Variants in OPCML observed in about 807,000 individuals in gnomAD.
The protein encoded by OPCML is opioid-binding protein/cell adhesion molecule.
A neutral mutation model predicts 37.8 loss-of-function variants in OPCML; 13 were observed. The ratio of observed to expected loss-of-function variants is 0.34; its 90% CI spans 0.22 to 0.55. OPCML has a LOEUF of 0.55. OPCML is among the 20% of genes least tolerant of loss of function. The pLI, the probability that OPCML is intolerant of heterozygous loss-of-function variation, is 0.91. For synonymous variants in OPCML, 176 were observed against 168.8 expected (o/e 1.04, Z -0.33); for missense variants, 341 against 435.6 (o/e 0.78, Z 1.93).
At position 132,886,375 on chromosome 11, in the gene OPCML, T is replaced by A. The variant is rs150997967; in HGVS notation, c.146+56551A>T. ...GGGGCGGCTTGCCCCTGTTCTATGA[T>A]GCCTGGGGCCTCAGCTGGGAAGTCT... On this transcript the variant is annotated intron_variant, in intron 2 of 7. Coordinates refer to ENST00000524381, the MANE Select transcript of OPCML (RefSeq NM_001012393.5). Among the ~76,000 whole-genome samples, 116 of 152,324 alleles carry A rather than the reference T, an allele frequency of 7.6e-4. 1 individual carries two copies. The highest frequency in any genetic ancestry group is 1.3e-3 in the Non-Finnish European group (90 of 68,028).
intron 1 of OPCML, among the ~76,000 whole-genome samples, chr11:133,215,267 C>A (rs1939537544): frequency 6.6e-6 from 1 of 152,120 alleles, no homozygotes; most frequent in African/African-American, 2.4e-5. Context: ...CTTGCACAAA[C>A]ACCCATCTCT....
chr11:132,962,337 C>G (rs575414394), intron 1 of OPCML, among the ~76,000 whole-genome samples: 1 of 152,228 alleles, frequency 6.6e-6, no homozygotes, highest in Admixed American at 6.5e-5. Context: ...TCACCCTCCC[C>G]CATCATGATG....
At chr11:133,092,135 A>G (rs1478883246) in intron 1 of OPCML, among the ~76,000 whole-genome samples, 1 of 152,166 alleles carries the variant, frequency 6.6e-6, no homozygotes, top group African/African-American at 2.4e-5. Context: ...GTGAAGACAC[A>G]GCATCCATCC....
At chr11:132,626,365 G>C (rs1299101778) in intron 3 of OPCML, among the ~76,000 whole-genome samples, 2 of 151,964 alleles carry the variant, frequency 1.3e-5, no homozygotes, top group Non-Finnish European at 2.9e-5. Context: ...GGGGCATAGG[G>C]GGAAGATAAA....
intron 1 of OPCML, among the ~76,000 whole-genome samples, chr11:133,246,976 T>G (rs1035586032): frequency 2.2e-4 from 34 of 152,150 alleles, no homozygotes; most frequent in Non-Finnish European, 8.8e-5. Context: ...TTGCTAATTG[T>G]GCCAGTAGCC....
At chr11:132,641,214 G>C (rs994265649) in intron 3 of OPCML, among the ~76,000 whole-genome samples, 2 of 152,138 alleles carry the variant, frequency 1.3e-5, no homozygotes, top group African/African-American at 4.8e-5. Flanking sequence ...CTTTGTATTT[G>C]ACATGCCACC....
chr11:132,683,388 G>A (rs141938404), intron 2 of OPCML, among the ~76,000 whole-genome samples: 163 of 152,194 alleles, frequency 1.1e-3, no homozygotes, highest in African/African-American at 3.7e-3. Context: ...AAATAAAAAA[G>A]CAAAAGTTGA....
chr11:133,525,073 A>G (rs1322535941), intron 1 of OPCML, among the ~76,000 whole-genome samples: 2 of 152,248 alleles, frequency 1.3e-5, no homozygotes, highest in African/African-American at 4.8e-5. Context: ...TGTATAAACA[A>G]TGGTCTAGGG....
rs1381681056 is a variant in OPCML at position 132,415,383 on chromosome 11, C to T, written c.*4810G>A. ...ACTTGACAGACACATTTTCGTTCAC[C>T]CACACAGTCCTCACAACTGCACTTG... On this transcript the variant is annotated 3_prime_UTR_variant, in exon 8 of 8. Coordinates refer to ENST00000524381, the MANE Select transcript of OPCML (RefSeq NM_001012393.5). The T allele has an allele frequency of 6.6e-6, 1 of 152,074 alleles. No individual in the cohort carries two copies. The highest frequency in any genetic ancestry group is 6.5e-5 in the Admixed American group (1 of 15,276). 9.4% of individuals were successfully genotyped at this position (152,074 alleles called of 1,614,324 possible). A position where few individuals can be genotyped will look rare whatever the true frequency, so the allele number is the denominator to read the frequency against.
intron 1 of OPCML, among the ~76,000 whole-genome samples, chr11:133,073,530 T>C (rs538458812): frequency 3.0e-4 from 46 of 152,302 alleles, no homozygotes; most frequent in African/African-American, 1.0e-3. Flanking sequence ...AGTCAGAACT[T>C]GTCCTGCCAT....
intron 1 of OPCML, among the ~76,000 whole-genome samples, chr11:133,293,974 GAGC>G (rs751756646): frequency 6.6e-6 from 1 of 150,994 alleles, no homozygotes; most frequent in Non-Finnish European, 1.5e-5. Flanking sequence ...AAAAATATTG[GAGC>G]AGGTCTTTCA....
intron 2 of OPCML, among the ~76,000 whole-genome samples, chr11:132,917,152 C>G (rs1440504624): frequency 1.3e-5 from 2 of 152,122 alleles, no homozygotes; most frequent in Admixed American, 1.3e-4. Context: ...ACCGTACGCT[C>G]TAGTCCAATT....
At chr11:132,905,552 C>T (rs1944211463) in intron 2 of OPCML, among the ~76,000 whole-genome samples, 1 of 152,096 alleles carries the variant, frequency 6.6e-6, no homozygotes, top group African/African-American at 2.4e-5. Flanking sequence ...GTTCTGACTC[C>T]AGAGCCCAAA....
intron 1 of OPCML, among the ~76,000 whole-genome samples, chr11:133,502,499 G>A (rs1352371243): frequency 3.3e-5 from 5 of 152,368 alleles, no homozygotes; most frequent in East Asian, 3.9e-4. Context: ...CAGAGCTGGA[G>A]TGAGCTGGGT....
chr11:133,081,271 T>C (rs1401141656), intron 1 of OPCML, among the ~76,000 whole-genome samples: 1 of 152,092 alleles, frequency 6.6e-6, no homozygotes, highest in Admixed American at 6.6e-5. Context: ...CCGTTTCCTT[T>C]GGGATGTCAG....
At chr11:133,400,266 A>T (rs528081933) in intron 1 of OPCML, among the ~76,000 whole-genome samples, 1 of 152,356 alleles carries the variant, frequency 6.6e-6, no homozygotes, top group Admixed American at 6.5e-5. Context: ...GGTAATCCAC[A>T]ACTTTCCCTT....
chr11:132,894,556 C>T (rs1465348921), intron 2 of OPCML, among the ~76,000 whole-genome samples: 1 of 152,170 alleles, frequency 6.6e-6, no homozygotes, highest in African/African-American at 2.4e-5. Flanking sequence ...GGAGTACCTA[C>T]AGAACTGGAA....
intron 1 of OPCML, among the ~76,000 whole-genome samples, chr11:133,151,136 G>C (rs1949977733): frequency 6.6e-6 from 1 of 151,874 alleles, no homozygotes; most frequent in African/African-American, 2.4e-5. Flanking sequence ...AGCTGGGCGT[G>C]GTGGTGCACG....
intron 2 of OPCML, among the ~76,000 whole-genome samples, chr11:132,719,207 G>C (rs1352202795): frequency 6.6e-6 from 1 of 152,234 alleles, no homozygotes; most frequent in Non-Finnish European, 1.5e-5. Flanking sequence ...AGTCAGGACA[G>C]GTGGCCTTCC....
Sources: gnomAD v4.1 joint callset for allele counts (sites outside exome capture counted in the v4.1 genomes callset) on GRCh38, gnomAD v4.1.1 for gene constraint, MANE v1.5 for transcripts, NCBI Gene and HGNC (gene_info 2026-07-23, HGNC 2026-07-21) for gene names.